Variants in PRKN observed in about 807,000 individuals in gnomAD.
PRKN encodes the protein parkin RBR E3 ubiquitin protein ligase.
Under a neutral mutation model 59.5 loss-of-function variants are expected in PRKN, and 56 were observed. That is an observed-to-expected ratio of 0.94 (90% CI 0.76 to 1.18). The LOEUF (loss-of-function observed/expected upper bound fraction) is 1.18, where lower values mean the gene tolerates loss of function less well. Ranked by LOEUF, PRKN falls within the 50% of genes most tolerant of loss-of-function variation. The pLI is 0.00. For synonymous variants in PRKN, 250 were observed against 222.1 expected (o/e 1.13, Z -1.12); for missense variants, 657 against 596.4 (o/e 1.10, Z -1.06).
chr6:161,675,373 C>G (rs1238598758), intron 7 of PRKN, among the ~76,000 whole-genome samples: 1 of 152,006 alleles, frequency 6.6e-6, no homozygotes, highest in Non-Finnish European at 1.5e-5. Context: ...TCCATGGAAA[C>G]ATAGAGAGGA....
intron 7 of PRKN, among the ~76,000 whole-genome samples, chr6:161,570,146 A>AAAAATATAT (rs869285771): frequency 2.6e-5 from 2 of 76,584 alleles, no homozygotes; most frequent in African/African-American, 1.4e-4. Flanking sequence ...AAAAAAAAAA[A>AAAAATATAT]ATATATATAT....
At chr6:161,802,254 C>T (rs1402138031) in intron 6 of PRKN, among the ~76,000 whole-genome samples, 1 of 152,044 alleles carries the variant, frequency 6.6e-6, no homozygotes, top group Non-Finnish European at 1.5e-5. Flanking sequence ...AGAAAAAGGT[C>T]CAAGTCCTAA....
At chr6:162,627,480 C>T (rs1355483498) in intron 1 of PRKN, among the ~76,000 whole-genome samples, 2 of 152,064 alleles carry the variant, frequency 1.3e-5, no homozygotes, top group Non-Finnish European at 2.9e-5. Context: ...TTATCAGTGG[C>T]TTGTAAACAG....
At chr6:161,971,798 ATATT>A (rs1424913748) in intron 6 of PRKN, among the ~76,000 whole-genome samples, 1 of 152,232 alleles carries the variant, frequency 6.6e-6, no homozygotes, top group Non-Finnish European at 1.5e-5. Context: ...AGGAGTGTGA[ATATT>A]TGCTTATCAC....
intron 2 of PRKN, among the ~76,000 whole-genome samples, chr6:162,397,746 T>C (rs1454192441): frequency 1.3e-5 from 2 of 152,038 alleles, no homozygotes; most frequent in African/African-American, 4.8e-5. Flanking sequence ...AGTAGAAATG[T>C]AAGATTTTGG....
intron 6 of PRKN, among the ~76,000 whole-genome samples, chr6:161,801,109 G>A (rs2128210591): frequency 6.6e-6 from 1 of 152,278 alleles, no homozygotes; most frequent in South Asian, 2.1e-4. Flanking sequence ...GGAGGCCTAG[G>A]GCGCTATCAA....
chr6:162,487,548 C>G (rs1376064210), intron 1 of PRKN, among the ~76,000 whole-genome samples: 2 of 152,070 alleles, frequency 1.3e-5, no homozygotes, highest in Non-Finnish European at 2.9e-5. Context: ...ACACATAAAA[C>G]TGGAAAAACG....
intron 7 of PRKN, among the ~76,000 whole-genome samples, chr6:161,668,266 GA>G (rs11386769): frequency 0.055 from 6,703 of 121,450 alleles, 187 homozygotes; most frequent in Non-Finnish European, 0.073. Flanking sequence ...TTCATATAAA[GA>G]AAAAAAAAAA....
intron 7 of PRKN, among the ~76,000 whole-genome samples, chr6:161,650,468 T>C (rs1784111353): frequency 6.6e-6 from 1 of 152,050 alleles, no homozygotes; most frequent in Non-Finnish European, 1.5e-5. Context: ...ATGTACAAAC[T>C]TGTGTCACCA....
At chr6:162,257,149 T>A (rs929669053) in intron 3 of PRKN, among the ~76,000 whole-genome samples, 7 of 152,162 alleles carry the variant, frequency 4.6e-5, no homozygotes, top group Non-Finnish European at 7.4e-5. Flanking sequence ...TTTCATGACA[T>A]GTCTCCTCTC....
At chr6:162,653,258 T>C (rs991772865) in intron 1 of PRKN, among the ~76,000 whole-genome samples, 1 of 152,192 alleles carries the variant, frequency 6.6e-6, no homozygotes. Flanking sequence ...CTTGAAAGCA[T>C]TTGCTAAAGC....
At chr6:162,044,636 G>A (rs1270865739) in intron 5 of PRKN, among the ~76,000 whole-genome samples, 2 of 152,180 alleles carry the variant, frequency 1.3e-5, no homozygotes, top group Non-Finnish European at 1.5e-5. Context: ...GAGCTGAGTG[G>A]GCAGTCTGGC....
chr6:161,951,838 C>T (rs574703311), intron 6 of PRKN, among the ~76,000 whole-genome samples: 2 of 151,802 alleles, frequency 1.3e-5, no homozygotes, highest in South Asian at 4.2e-4. Context: ...AGGAGAATTG[C>T]TTGAACCCAG....
chr6:162,651,274 C>A (rs1241727622), intron 1 of PRKN, among the ~76,000 whole-genome samples: 2 of 152,190 alleles, frequency 1.3e-5, no homozygotes, highest in Non-Finnish European at 2.9e-5. Context: ...CTGCCACTGA[C>A]TACATTTTGA....
chr6:162,239,957 A>C (rs2096982), intron 3 of PRKN, among the ~76,000 whole-genome samples: 99,529 of 152,140 alleles, frequency 0.65, 35,361 homozygotes, highest in East Asian at 0.92. Context: ...TTCCTAATAT[A>C]ACAGCATGAG....
At chr6:162,370,752 A>T (rs1394107430) in intron 2 of PRKN, among the ~76,000 whole-genome samples, 9 of 152,176 alleles carry the variant, frequency 5.9e-5, no homozygotes, top group Non-Finnish European at 1.2e-4. Context: ...GCATCTCCAG[A>T]GTAGATGTTA....
chr6:161,682,067 A>G lies in PRKN; in HGVS notation c.871+103705T>C, dbSNP rs919252547. 3.9e-5 allele frequency among the ~76,000 whole-genome samples: 6 copies of G among 152,206 alleles called. No homozygotes were observed. The East Asian group carries it at 1.2e-3, about 29-fold the overall frequency. ...GGACAGGGTAAAGACGGCAGATACC[A>G]AAAGAGGAAGAAAGGACCAGCGCTC... On this transcript the variant is annotated intron_variant, in intron 7 of 11. Transcript: ENST00000366898.
At chr6:161,496,504 G>A (rs979457897) in intron 9 of PRKN, among the ~76,000 whole-genome samples, 1 of 152,218 alleles carries the variant, frequency 6.6e-6, no homozygotes, top group African/African-American at 2.4e-5. Flanking sequence ...AGGAGCAAAG[G>A]CACGTCTTAC....
At chr6:161,437,599 G>C (rs942427877) in intron 9 of PRKN, among the ~76,000 whole-genome samples, 5 of 152,140 alleles carry the variant, frequency 3.3e-5, no homozygotes, top group African/African-American at 1.2e-4. Flanking sequence ...TGGAAAAGGG[G>C]CCCCCTTTGG....
Sources: gnomAD v4.1 joint callset for allele counts (sites outside exome capture counted in the v4.1 genomes callset) on GRCh38, gnomAD v4.1.1 for gene constraint, MANE v1.5 for transcripts, NCBI Gene and HGNC (gene_info 2026-07-23, HGNC 2026-07-21) for gene names.